UXS1: variants seen among roughly 807,000 people sequenced by gnomAD.
UXS1 encodes UDP-glucuronic acid decarboxylase 1.
In UXS1, 33 loss-of-function variants were observed where a neutral mutation model predicts 62.6. That is an observed-to-expected ratio of 0.53 (90% CI 0.40 to 0.70). The LOEUF is 0.70. Ranked by LOEUF, UXS1 falls within the 30% of genes least tolerant of loss-of-function variation. The pLI is 0.00. For missense variants in UXS1, 434 were observed against 556.3 expected, an observed-to-expected ratio of 0.78 and a Z score of 2.21; for synonymous variants, 213 against 206.8, an observed-to-expected ratio of 1.03 and a Z score of -0.26.
chr2:106,109,469 C>T (rs1448678999), intron 10 of UXS1, among the ~76,000 whole-genome samples: 1 of 152,180 alleles, frequency 6.6e-6, no homozygotes, highest in Non-Finnish European at 1.5e-5. Context: ...AACCCCAATT[C>T]TACCACATCT....
At chr2:106,157,678 T>C (rs1006073229) in intron 5 of UXS1, among the ~76,000 whole-genome samples, 3 of 152,204 alleles carry the variant, frequency 2.0e-5, no homozygotes, top group African/African-American at 2.4e-5. Context: ...CAATGGAGCA[T>C]TGTTTAGCCA....
At chr2:106,161,325 C>T (rs1009515079) in intron 4 of UXS1, among the ~76,000 whole-genome samples, 1 of 151,996 alleles carries the variant, frequency 6.6e-6, no homozygotes, top group Non-Finnish European at 1.5e-5. Flanking sequence ...AGGCTGGGCT[C>T]GAACTCCTGG....
At chr2:106,122,165 C>T (rs530435472) in intron 9 of UXS1, among the ~76,000 whole-genome samples, 1 of 152,210 alleles carries the variant, frequency 6.6e-6, no homozygotes, top group Admixed American at 6.5e-5. Context: ...CCTGGACCAA[C>T]GTTCCACAGC....
intron 9 of UXS1, 99 bp from the exon 10 acceptor site, chr2:106,112,864 G>C (rs140057490): frequency 6.8e-7 from 1 of 1,467,596 alleles, no homozygotes; most frequent in African/African-American, 1.4e-5. Flanking sequence ...GAATGGAAAC[G>C]TTCTGCTTTC....
At chr2:106,117,013 C>T (rs1268680588) in intron 9 of UXS1, among the ~76,000 whole-genome samples, 1 of 152,164 alleles carries the variant, frequency 6.6e-6, no homozygotes, top group Non-Finnish European at 1.5e-5. Context: ...AAAAAAATCA[C>T]CTCCTGGCTG....
chr2:106,163,823 A>G (rs1271990684), intron 3 of UXS1, 113 bp from the exon 4 acceptor site: 2 of 553,168 alleles, frequency 3.6e-6, no homozygotes. Context: ...TCTTCTACAA[A>G]TTAACTTCCA....
At chr2:106,137,888 G>A (rs1054489391) in intron 6 of UXS1, among the ~76,000 whole-genome samples, 14 of 152,212 alleles carry the variant, frequency 9.2e-5, no homozygotes, top group African/African-American at 3.4e-4. Flanking sequence ...CACAGAGCCC[G>A]CTCAGGTGTG....
At chr2:106,116,249 C>T (rs955178443) in intron 9 of UXS1, among the ~76,000 whole-genome samples, 5 of 152,340 alleles carry the variant, frequency 3.3e-5, no homozygotes, top group Admixed American at 3.3e-4. Context: ...GTGATTTTAT[C>T]TTAGAAAATG....
intron 7 of UXS1, among the ~76,000 whole-genome samples, chr2:106,128,051 C>T (rs903447085): frequency 3.9e-5 from 6 of 152,144 alleles, no homozygotes; most frequent in Non-Finnish European, 7.3e-5. Flanking sequence ...ACAGGACCCA[C>T]GGGCACAGTG....
chr2:106,110,686 C>CAA (rs1558684994), intron 10 of UXS1, among the ~76,000 whole-genome samples: 1 of 152,128 alleles, frequency 6.6e-6, no homozygotes, highest in Non-Finnish European at 1.5e-5. Context: ...ATAATTAGTC[C>CAA]ACTCAACATT....
At chr2:106,161,058 A>G (rs1682858598) in intron 4 of UXS1, among the ~76,000 whole-genome samples, 1 of 152,200 alleles carries the variant, frequency 6.6e-6, no homozygotes, top group Admixed American at 6.5e-5. Context: ...GTAATGGGTG[A>G]CAGAGCACAG....
chr2:106,192,410 C>T (rs1210437818), intron 1 of UXS1, among the ~76,000 whole-genome samples: 2 of 152,074 alleles, frequency 1.3e-5, no homozygotes, highest in African/African-American at 2.4e-5. Context: ...AAAAATTAGC[C>T]GGGCGTGGTG....
intron 1 of UXS1, among the ~76,000 whole-genome samples, chr2:106,166,785 G>C (rs1329052253): frequency 6.6e-6 from 1 of 150,620 alleles, no homozygotes; most frequent in Non-Finnish European, 1.5e-5. Context: ...CGCCTCCTGA[G>C]TAAGTGGGAC....
At chr2:106,146,817 G>C (rs1681615857) in intron 5 of UXS1, among the ~76,000 whole-genome samples, 1 of 121,296 alleles carries the variant, frequency 8.2e-6, no homozygotes, top group African/African-American at 3.1e-5. Flanking sequence ...GGATGAAAAA[G>C]ATCAAAAATG....
In UXS1 at chr2:106,154,086, T is replaced by C. The variant is rs904084978; in HGVS notation, c.291+3972A>G. Among the ~76,000 whole-genome samples, 12 of 152,126 alleles carry C rather than the reference T, an allele frequency of 7.9e-5. 1 individual carries two copies. The South Asian group carries it at 2.5e-3, about 32-fold the overall frequency. ...CAGACAAATACAGGACACCAATAAGTGCATCAACATGCATGCTGCACTGGG... is the reference window on the plus strand; with the variant it reads ...CAGACAAATACAGGACACCAATAAGCGCATCAACATGCATGCTGCACTGGG... On this transcript the variant is annotated intron_variant, in intron 5 of 14. Coordinates refer to ENST00000283148, the MANE Select transcript of UXS1 (RefSeq NM_001253875.2).
intron 1 of UXS1, among the ~76,000 whole-genome samples, chr2:106,190,596 A>G (rs1684858515): frequency 6.6e-6 from 1 of 152,016 alleles, no homozygotes; most frequent in Non-Finnish European, 1.5e-5. Context: ...ATACAAAATT[A>G]GCCGGGCGTG....
intron 14 of UXS1, among the ~76,000 whole-genome samples, chr2:106,096,324 G>A (rs1303620838): frequency 7.3e-6 from 1 of 137,016 alleles, no homozygotes; most frequent in Non-Finnish European, 1.7e-5. Context: ...GTGAAAATGA[G>A]TGTGTGTGAG....
chr2:106,171,442 T>C (rs1683551389), intron 1 of UXS1, among the ~76,000 whole-genome samples: 1 of 152,000 alleles, frequency 6.6e-6, no homozygotes, highest in East Asian at 1.9e-4. Context: ...TAGAGGGGAG[T>C]CTCATGTGAA....
intron 6 of UXS1, among the ~76,000 whole-genome samples, chr2:106,140,413 T>TAC (rs1315735451): frequency 6.6e-6 from 1 of 152,240 alleles, no homozygotes; most frequent in Non-Finnish European, 1.5e-5. Flanking sequence ...TTCTAAATGA[T>TAC]ACTTCAACAA....
Sources: allele counts gnomAD v4.1 joint callset (sites outside exome capture counted in the v4.1 genomes callset), GRCh38; gene constraint gnomAD v4.1.1; transcripts MANE v1.5; gene names NCBI Gene and HGNC (gene_info 2026-07-23, HGNC 2026-07-21).